The following BABAM2 variants were observed in gnomAD, a reference collection of about 807,000 sequenced individuals.
The protein encoded by BABAM2 is BRISC and BRCA1 A complex member 2.
Under a neutral mutation model 54.7 loss-of-function variants are expected in BABAM2, and 31 were observed. That is an observed-to-expected ratio of 0.57 (90% CI 0.43 to 0.77). The LOEUF (loss-of-function observed/expected upper bound fraction) is 0.77. Among genes scored for constraint, BABAM2 ranks in the 30% least tolerant of loss-of-function variants. The probability of loss-of-function intolerance (pLI) is 0.00; values close to 1 mark genes in which losing one functional copy is unlikely to be tolerated. For synonymous variants in BABAM2, 167 were observed against 162.9 expected (o/e 1.03, Z -0.19); for missense variants, 364 against 455.8 (o/e 0.80, Z 1.83).
chr2:28,107,548 C>G (rs1667634271), intron 6 of BABAM2, among the ~76,000 whole-genome samples: 1 of 152,154 alleles, frequency 6.6e-6, no homozygotes, highest in Admixed American at 6.5e-5. Flanking sequence ...GTGCTGTCAT[C>G]TCTTCCATCC....
At chr2:28,315,472 TTTTCTTTTCTTTTC>T (rs1425115757) in intron 11 of BABAM2, among the ~76,000 whole-genome samples, 2 of 99,480 alleles carry the variant, frequency 2.0e-5, no homozygotes, top group African/African-American at 3.5e-5. Flanking sequence ...TTTTCTTTTC[TTTTCTTTTCTTTTC>T]GAGACAGAGT....
chr2:27,911,970 C>T (rs1666638464), intron 2 of BABAM2, among the ~76,000 whole-genome samples: 1 of 152,196 alleles, frequency 6.6e-6, no homozygotes, highest in African/African-American at 2.4e-5. Flanking sequence ...CCACTAACCC[C>T]CAAGCTTTTA....
chr2:28,070,214 C>G (rs1379837187), intron 6 of BABAM2, among the ~76,000 whole-genome samples: 1 of 152,196 alleles, frequency 6.6e-6, no homozygotes, highest in African/African-American at 2.4e-5. Flanking sequence ...TCTAGTCTTC[C>G]TTATTGCTCT....
chr2:28,096,956 A>G (rs1452203633), intron 6 of BABAM2, among the ~76,000 whole-genome samples: 1 of 152,180 alleles, frequency 6.6e-6, no homozygotes, highest in East Asian at 1.9e-4. Context: ...AACAATATGA[A>G]AATGTATCTC....
intron 7 of BABAM2, among the ~76,000 whole-genome samples, chr2:28,144,863 G>A (rs1671359558): frequency 6.6e-6 from 1 of 152,288 alleles, no homozygotes; most frequent in East Asian, 1.9e-4. Context: ...GCAATAACAG[G>A]ATTCAAACCC....
chr2:28,072,989 A>C (rs113739190), intron 6 of BABAM2, among the ~76,000 whole-genome samples: 65 of 152,278 alleles, frequency 4.3e-4, no homozygotes, highest in African/African-American at 1.1e-3. Flanking sequence ...TAACTGGTAA[A>C]TACTTTAGCT....
intron 6 of BABAM2, among the ~76,000 whole-genome samples, chr2:28,077,140 G>C (rs1161253149): frequency 6.6e-6 from 1 of 152,112 alleles, no homozygotes; most frequent in African/African-American, 2.4e-5. Context: ...TCTAACAATA[G>C]TATTAAATGT....
chr2:28,075,222 T>A (rs1166542142), intron 6 of BABAM2, among the ~76,000 whole-genome samples: 1 of 152,238 alleles, frequency 6.6e-6, no homozygotes, highest in Non-Finnish European at 1.5e-5. Context: ...ATGGACACTT[T>A]GGACTTAGCT....
At chr2:28,150,847 G>A (rs1412911135) in intron 7 of BABAM2, among the ~76,000 whole-genome samples, 1 of 152,158 alleles carries the variant, frequency 6.6e-6, no homozygotes, top group African/African-American at 2.4e-5. Context: ...CCCAGCAACT[G>A]CAGTTTCATT....
In BABAM2 at chr2:28,192,566, G is replaced by A. The variant is rs560396026; in HGVS notation, c.681-44636G>A. ...AAACAGAGTCTCACTCTGTCACTCA[G>A]GCTGGAATGCAATGGCGTGATCTTG... On this transcript the variant is annotated intron_variant, in intron 7 of 11. Transcript: ENST00000379624. 5.7e-5 allele frequency among the ~76,000 whole-genome samples: 8 copies of A among 139,574 alleles called. No homozygotes were observed. In the South Asian group the frequency reaches 1.6e-3, roughly 28 times the overall value. The allele number at this position is 139,574 out of a possible 152,430, so 91.6% of individuals were successfully genotyped here.
At chr2:28,008,753 G>A (rs1212729249) in intron 4 of BABAM2, among the ~76,000 whole-genome samples, 1 of 152,114 alleles carries the variant, frequency 6.6e-6, no homozygotes, top group African/African-American at 2.4e-5. Flanking sequence ...TGGGGTGATG[G>A]GATCTCACAG....
chr2:28,076,519 A>T, intron 6 of BABAM2, among the ~76,000 whole-genome samples: 1 of 151,672 alleles, frequency 6.6e-6, no homozygotes, highest in Non-Finnish European at 1.5e-5. Context: ...TTTTTGAGAC[A>T]GAGTCTTGCT....
rs1673113196 is a variant in BABAM2, at chr2:27,995,931, TTTGA to T, written c.300+7847_300+7850del. On this transcript the variant is annotated intron_variant, in intron 4 of 11. Coordinates refer to ENST00000379624, the MANE Select transcript of BABAM2 (RefSeq NM_199191.3). This position sits in a 1 kb window ranked among gnomAD's most constrained non-coding sequence, Gnocchi z 4.1. ...TATGTTCTTCAGTTTTACAATTCTA[TTTGA>T]TTATTTTCTGTAAATTCCAATTATC... Among the ~76,000 whole-genome samples, 1 of 152,218 alleles carries T rather than the reference TTTGA, an allele frequency of 6.6e-6. No homozygotes were observed. Among genetic ancestry groups the T allele is most frequent in the Non-Finnish European group, 1.5e-5 (1 of 68,028 alleles).
intron 3 of BABAM2, among the ~76,000 whole-genome samples, chr2:27,947,028 T>A (rs1445666990): frequency 6.6e-6 from 1 of 152,144 alleles, no homozygotes; most frequent in African/African-American, 2.4e-5. Context: ...TATTTTTTTT[T>A]AAATAACCAG....
intron 7 of BABAM2, among the ~76,000 whole-genome samples, chr2:28,186,067 T>C (rs1182334360): frequency 6.6e-6 from 1 of 152,186 alleles, no homozygotes; most frequent in African/African-American, 2.4e-5. Context: ...ACATGGCTTA[T>C]TTCAAAACAC....
intron 3 of BABAM2, among the ~76,000 whole-genome samples, chr2:27,933,764 G>GTTTTTTTTTTTTTT (rs59022185): frequency 9.0e-6 from 1 of 110,886 alleles, no homozygotes; most frequent in African/African-American, 3.7e-5. Context: ...TGCCTGGCTT[G>GTTTTTTTTTTTTTT]TTTTTTTTTT....
At chr2:28,051,606 A>T (rs940685039) in intron 6 of BABAM2, among the ~76,000 whole-genome samples, 2 of 151,966 alleles carry the variant, frequency 1.3e-5, no homozygotes, top group African/African-American at 4.8e-5. Flanking sequence ...GAATTGTCGT[A>T]TATGTAGAAG....
intron 7 of BABAM2, among the ~76,000 whole-genome samples, chr2:28,141,581 T>G (rs1474063563): frequency 6.6e-6 from 1 of 152,148 alleles, no homozygotes; most frequent in African/African-American, 2.4e-5. Context: ...TTTCCTAATT[T>G]ATTTCATGAT....
At chr2:27,928,399 C>T (rs1002049598) in intron 2 of BABAM2, among the ~76,000 whole-genome samples, 1 of 152,192 alleles carries the variant, frequency 6.6e-6, no homozygotes, top group Non-Finnish European at 1.5e-5. Flanking sequence ...ATTTGCCTGC[C>T]TTGGCCTCCC....
Sources: allele counts gnomAD v4.1 joint callset (sites outside exome capture counted in the v4.1 genomes callset), GRCh38; gene constraint gnomAD v4.1.1; non-coding constraint Gnocchi (gnomAD v3.1); transcripts MANE v1.5; gene names NCBI Gene and HGNC (gene_info 2026-07-23, HGNC 2026-07-21).